IPO11: variants seen among roughly 807,000 people sequenced by gnomAD.
The protein encoded by IPO11 is importin-11.
IPO11 carries 66 observed loss-of-function variants against 143.2 expected under a neutral mutation model. The observed-to-expected ratio is 0.46, with a 90% CI of 0.38 to 0.57. The LOEUF (loss-of-function observed/expected upper bound fraction) is 0.57. IPO11 is among the 20% of genes least tolerant of loss of function. The pLI, the probability that IPO11 is intolerant of heterozygous loss-of-function variation, is 0.00. For synonymous variants in IPO11, 385 were observed against 377.8 expected (o/e 1.02, Z -0.22); for missense variants, 1,026 against 1,141.0 (o/e 0.90, Z 1.45).
intron 27 of IPO11, among the ~76,000 whole-genome samples, chr5:62,583,386 A>G (rs995889429): frequency 2.6e-5 from 4 of 152,220 alleles, no homozygotes; most frequent in Admixed American, 2.0e-4. Context: ...GAAAATTTAT[A>G]TAACAAAGTA....
At chr5:62,550,333 A>C in intron 24 of IPO11, 34 bp from the exon 25 acceptor site, 1 of 1,449,216 alleles carries the variant, frequency 6.9e-7, no homozygotes, top group Non-Finnish European at 9.7e-7. Context: ...AATGACTTGC[A>C]GTATTATCAC....
At chr5:62,535,589 A>G (rs568909289) in intron 22 of IPO11, among the ~76,000 whole-genome samples, 1 of 152,066 alleles carries the variant, frequency 6.6e-6, no homozygotes, top group Non-Finnish European at 1.5e-5. Context: ...TAAGTTTATC[A>G]TTTCCTGTCC....
At chr5:62,575,798 AT>A (rs999630875) in intron 27 of IPO11, among the ~76,000 whole-genome samples, 5 of 151,012 alleles carry the variant, frequency 3.3e-5, no homozygotes, top group East Asian at 1.9e-4. Flanking sequence ...CTATGTTGTT[AT>A]TTTTTTTTCT....
At chr5:62,551,366 A>G (rs1743385130) in intron 26 of IPO11, 30 bp downstream of exon 26, 3 of 1,122,980 alleles carry the variant, frequency 2.7e-6, no homozygotes, top group Non-Finnish European at 4.0e-6. Flanking sequence ...AATTTAAGGA[A>G]GTCTTTATCT....
chr5:62,622,829 A>G (rs1475766650), intron 29 of IPO11, among the ~76,000 whole-genome samples: 2 of 152,244 alleles, frequency 1.3e-5, no homozygotes, highest in Non-Finnish European at 2.9e-5. Flanking sequence ...GGTTATTTTT[A>G]TCTCATGAAG....
chr5:62,467,722 C>T (rs1476660537), intron 6 of IPO11, among the ~76,000 whole-genome samples: 2 of 152,100 alleles, frequency 1.3e-5, no homozygotes, highest in African/African-American at 4.8e-5. Flanking sequence ...TCAGAAGGTG[C>T]TTTATAGGAT....
chr5:62,454,911 A>G (rs950432557), intron 5 of IPO11, among the ~76,000 whole-genome samples: 1 of 152,194 alleles, frequency 6.6e-6, no homozygotes, highest in Non-Finnish European at 1.5e-5. Flanking sequence ...TTCCAAAAGC[A>G]GGATTTTTGA....
chr5:62,532,245 A>G (rs1742573370), intron 22 of IPO11, among the ~76,000 whole-genome samples: 1 of 152,226 alleles, frequency 6.6e-6, no homozygotes. Flanking sequence ...GAAGAGATTT[A>G]AATACAAAGC....
intron 29 of IPO11, among the ~76,000 whole-genome samples, chr5:62,625,436 T>G (rs1297119166): frequency 6.6e-6 from 1 of 152,260 alleles, no homozygotes; most frequent in Admixed American, 6.5e-5. Flanking sequence ...TGTGTAGACT[T>G]TAGAAGTGAA....
In IPO11 at chr5:62,425,638, C is replaced by CT. The variant is rs536128571; in HGVS notation, c.-6-11633dup. Among the ~76,000 whole-genome samples the CT allele has an allele frequency of 2.4e-3, 361 of 152,182 alleles. 4 individuals carry two copies. The highest frequency in any genetic ancestry group is 0.02 in the South Asian group (96 of 4,816). On this transcript the variant is annotated intron_variant, in intron 1 of 29. Transcript: ENST00000325324. ...TGGCCAATTCAAATTATTTTTACAG[C>CT]TTTAGGAATGATAGAAACAATAGTA...
At chr5:62,448,861 T>G (rs996501458) in intron 3 of IPO11, among the ~76,000 whole-genome samples, 2 of 152,142 alleles carry the variant, frequency 1.3e-5, no homozygotes, top group South Asian at 4.1e-4. Flanking sequence ...GGCTGGCCCT[T>G]TACTTTTTCT....
chr5:62,621,694 A>G (rs1746383158), intron 29 of IPO11, among the ~76,000 whole-genome samples: 1 of 152,214 alleles, frequency 6.6e-6, no homozygotes. Context: ...ATAATTATAT[A>G]TAAATGTATG....
intron 23 of IPO11, 28 bp downstream of exon 23, chr5:62,536,809 G>T (rs1475362360): frequency 6.9e-7 from 1 of 1,451,492 alleles, no homozygotes; most frequent in East Asian, 2.7e-5. Context: ...TGCATTATAT[G>T]AAATTATATA....
intron 4 of IPO11, among the ~76,000 whole-genome samples, chr5:62,450,274 C>G (rs999892674): frequency 6.6e-6 from 1 of 152,142 alleles, no homozygotes; most frequent in Non-Finnish European, 1.5e-5. Context: ...AAGCAAATCT[C>G]TCTATATAGT....
chr5:62,495,324 G>T (rs981492468), intron 16 of IPO11, among the ~76,000 whole-genome samples: 1 of 152,080 alleles, frequency 6.6e-6, no homozygotes, highest in South Asian at 2.1e-4. Context: ...TTAGAATAAA[G>T]CATAAGATTT....
At position 62,484,051 on chromosome 5, in the gene IPO11, G is replaced by C. The variant is rs142345152; in HGVS notation, c.1063G>C (p.Ala355Pro). The C allele has an allele frequency of 2.5e-6, 4 of 1,608,168 alleles. No homozygotes were observed. Among genetic ancestry groups the C allele is most frequent in the Non-Finnish European group, 3.4e-6 (4 of 1,178,022 alleles). The change falls in exon 11 of 30, where the codon GCA becomes CCA. Residue 355 changes from alanine (A) to proline (P), a missense_variant. Ala to Pro is a conservative substitution (Grantham distance 27, BLOSUM62 -1). This residue lies in a region of IPO11 where 429 missense variants were observed against 456.3 expected (regional missense o/e 0.94). Transcript: ENST00000325324. ...TCTTGAAGCCCATAAGATTAAGATG[G>C]CATTCTTCACATATCCTACTTTGAC... ...ETLEAHKIKM[A>P]FFTYPTLTEI...
chr5:62,419,321 G>A (rs953764775), intron 1 of IPO11, among the ~76,000 whole-genome samples: 1 of 152,158 alleles, frequency 6.6e-6, no homozygotes, highest in African/African-American at 2.4e-5. Context: ...GTACACTTAG[G>A]CTAAAATAAA....
At chr5:62,624,381 C>G (rs2112486750) in intron 29 of IPO11, among the ~76,000 whole-genome samples, 1 of 152,252 alleles carries the variant, frequency 6.6e-6, no homozygotes, top group South Asian at 2.1e-4. Context: ...GGATGTTACC[C>G]TATACGTTAC....
intron 3 of IPO11, among the ~76,000 whole-genome samples, chr5:62,448,387 A>C (rs1419610919): frequency 6.6e-6 from 1 of 152,206 alleles, no homozygotes; most frequent in Admixed American, 6.5e-5. Flanking sequence ...CATTGATGGT[A>C]GATTACTGAA....
Sources: allele counts gnomAD v4.1 joint callset (sites outside exome capture counted in the v4.1 genomes callset), GRCh38; gene constraint gnomAD v4.1.1; regional missense constraint gnomAD v4.1.1; transcripts MANE v1.5; gene names NCBI Gene and HGNC (gene_info 2026-07-23, HGNC 2026-07-21).